Variants in WDR44 observed in about 807,000 individuals in gnomAD.
WDR44 encodes the protein WD repeat domain 44, also known as WD repeat-containing protein 44.
In WDR44, 9 loss-of-function variants were observed where a neutral mutation model predicts 65.7. The observed-to-expected ratio is 0.14, with a 90% confidence interval of 0.08 to 0.24. WDR44 has a LOEUF of 0.24. Ranked by LOEUF, WDR44 falls within the 10% of genes least tolerant of loss-of-function variation. WDR44 has a pLI of 1.00. For synonymous variants in WDR44, 220 were observed against 235.2 expected (o/e 0.94, Z 0.59); for missense variants, 425 against 670.9 (o/e 0.63, Z 4.05).
intron 12 of WDR44, 87 bp from the exon 13 acceptor site, chrX:118,432,694 C>A: frequency 2.3e-6 from 2 of 851,202 alleles, no homozygotes; most frequent in Non-Finnish European, 3.4e-6. Flanking sequence ...AGGCATCATA[C>A]AAAATGCTGA....
intron 7 of WDR44, 105 bp from the exon 8 acceptor site, chrX:118,398,282 G>A (rs1478735793): frequency 3.9e-5 from 20 of 515,881 alleles, no homozygotes; most frequent in South Asian, 2.9e-4. Context: ...GCTTATTAGC[G>A]TAGTTTTTCT....
intron 10 of WDR44, among the ~76,000 whole-genome samples, chrX:118,407,503 A>AG: frequency 3.3e-5 from 2 of 61,231 alleles, no homozygotes; most frequent in East Asian, 5.8e-4. Context: ...ACTCCGTCTC[A>AG]AAAAAAAAAA....
At chrX:118,367,091 A>C (rs1159748099) in intron 1 of WDR44, among the ~76,000 whole-genome samples, 1 of 112,098 alleles carries the variant, frequency 8.9e-6, no homozygotes, top group Non-Finnish European at 1.9e-5. Flanking sequence ...GTCTCAAAAA[A>C]AAAAAAAAAT....
chrX:118,410,936 T>A lies in WDR44; in HGVS notation c.1714T>A (p.Ser572Thr). Residue 572 changes from serine to threonine, a missense_variant, in exon 12 of 20, where the codon TCA (serine) becomes ACA (threonine). By Grantham distance (58) the Ser-to-Thr change is moderately conservative. This residue lies in a region of WDR44 where 45 missense variants were observed against 50.0 expected (regional missense o/e 0.90). Transcript: ENST00000254029. Reference protein sequence around the residue: ...PSPSQESLSSSKSDTDTGVCS... With the variant: ...PSPSQESLSSTKSDTDTGVCS... ...ACCCTCTCAGGAAAGTCTAAGTTCA[T>A]CAAAATCGGATACAGATACAGGGGT... 8.3e-7 allele frequency: 1 copy of A among 1,200,322 alleles called. No homozygotes were observed. The highest frequency in any genetic ancestry group is 1.1e-6 in the Non-Finnish European group (1 of 890,717).
At chrX:118,380,631 A>G (rs2056706284) in intron 2 of WDR44, among the ~76,000 whole-genome samples, 1 of 111,992 alleles carries the variant, frequency 8.9e-6, no homozygotes, top group Admixed American at 9.6e-5. Flanking sequence ...ATCTATTGAT[A>G]TTGTAATATA....
intron 14 of WDR44, among the ~76,000 whole-genome samples, chrX:118,439,977 C>T (rs7051287): frequency 1.9e-5 from 2 of 105,988 alleles, no homozygotes; most frequent in Admixed American, 1.0e-4. Flanking sequence ...AAAATTAGCC[C>T]GGTATGGTGG....
intron 7 of WDR44, among the ~76,000 whole-genome samples, chrX:118,397,647 G>A (rs971713770): frequency 1.8e-5 from 2 of 111,997 alleles, no homozygotes; most frequent in African/African-American, 6.5e-5. Context: ...GCTTTAAAAT[G>A]AGATGAGTGA....
At chrX:118,417,289 A>G (rs2057065558) in intron 12 of WDR44, among the ~76,000 whole-genome samples, 1 of 111,579 alleles carries the variant, frequency 9.0e-6, no homozygotes, top group Non-Finnish European at 1.9e-5. Context: ...TGTATGATTT[A>G]TGCTTTAAAG....
At chrX:118,352,346 ATATATATTTTT>A (rs1447431903) in intron 1 of WDR44, among the ~76,000 whole-genome samples, 10 of 22,743 alleles carry the variant, frequency 4.4e-4, no homozygotes, top group African/African-American at 3.7e-3. Flanking sequence ...ATATATATAT[ATATATATTTTT>A]TTTTTTTTTT....
At chrX:118,399,012 T>C (rs1011469461) in intron 8 of WDR44, among the ~76,000 whole-genome samples, 5 of 112,086 alleles carry the variant, frequency 4.5e-5, no homozygotes, top group African/African-American at 6.5e-5. Flanking sequence ...GTACGAAAAG[T>C]GTTAGTAGAA....
In WDR44 at chrX:118,443,655, G is replaced by A; in HGVS notation, c.2480G>A (p.Arg827Lys). The A allele has an allele frequency of 8.3e-7, 1 of 1,209,433 alleles. No individual in the cohort carries two copies. Among genetic ancestry groups the A allele is most frequent in the South Asian group, 1.8e-5 (1 of 56,538 alleles). ...HDLSKFTSVR[R>K]DRNDFWEGIK... is the part of the protein sequence containing the mutation. ...CTAAGCAAGTTTACTTCAGTCAGGA[G>A]AGATCGTAATGACTTCTGGGAAGGT... Residue 827 changes from arginine to lysine, a missense_variant, in exon 18 of 20, where the codon AGA (arginine) becomes AAA (lysine). Around this residue, in one of 5 missense-constraint regions of WDR44, gnomAD observed 73 missense variants for 187.4 expected, o/e 0.39. Coordinates refer to ENST00000254029, the MANE Select transcript of WDR44 (RefSeq NM_019045.5).
chrX:118,362,588 A>G (rs953899518), intron 1 of WDR44, among the ~76,000 whole-genome samples: 31 of 111,187 alleles, frequency 2.8e-4, no homozygotes, highest in African/African-American at 7.5e-4. Flanking sequence ...ATTTAAGCCT[A>G]TTCAGTGCAT....
intron 12 of WDR44, among the ~76,000 whole-genome samples, chrX:118,422,321 A>G (rs1280049924): frequency 9.0e-6 from 1 of 111,242 alleles, no homozygotes; most frequent in Non-Finnish European, 1.9e-5. Context: ...ACCTGAGCTC[A>G]GGAGTTTGAG....
chrX:118,383,878 CTTTTT>C (rs549809406), intron 2 of WDR44, among the ~76,000 whole-genome samples: 1 of 69,840 alleles, frequency 1.4e-5, no homozygotes, highest in Non-Finnish European at 2.6e-5. Context: ...TTTTTAATTT[CTTTTT>C]TTTTTTTTTT....
intron 14 of WDR44, 36 bp from the exon 15 acceptor site, chrX:118,441,332 G>A: frequency 8.8e-7 from 1 of 1,141,622 alleles, no homozygotes; most frequent in Non-Finnish European, 1.2e-6. Flanking sequence ...TCTTGATGTG[G>A]TAAAATGAAA....
chrX:118,369,958 CAG>C (rs2056600054), intron 1 of WDR44, among the ~76,000 whole-genome samples: 1 of 111,865 alleles, frequency 8.9e-6, no homozygotes, highest in African/African-American at 3.2e-5. Flanking sequence ...TTATTTGAAT[CAG>C]AATTTATTTT....
At chrX:118,433,994 G>T in intron 13 of WDR44, among the ~76,000 whole-genome samples, 1 of 111,917 alleles carries the variant, frequency 8.9e-6, no homozygotes, top group South Asian at 3.7e-4. Context: ...CGTATAGCTA[G>T]GGAGATACGG....
intron 12 of WDR44, among the ~76,000 whole-genome samples, chrX:118,417,803 T>C (rs909070247): frequency 2.4e-4 from 27 of 112,207 alleles, no homozygotes; most frequent in Non-Finnish European, 1.9e-5. Context: ...CATCTCTTCT[T>C]CCTCAGGAAC....
chrX:118,371,027 A>G (rs2056610960), intron 1 of WDR44, among the ~76,000 whole-genome samples: 1 of 111,809 alleles, frequency 8.9e-6, no homozygotes, highest in Admixed American at 9.5e-5. Flanking sequence ...GCCAGAAAAC[A>G]ACCCAATTTA....
Sources: gnomAD v4.1 joint callset for allele counts (sites outside exome capture counted in the v4.1 genomes callset) on GRCh38, gnomAD v4.1.1 for gene constraint, gnomAD v4.1.1 regional missense constraint, MANE v1.5 for transcripts, NCBI Gene and HGNC (gene_info 2026-07-23, HGNC 2026-07-21) for gene names.